Variants in SFRP1 observed in about 807,000 individuals in gnomAD.
SFRP1 encodes the protein secreted frizzled-related protein 1.
Under a neutral mutation model 25.9 loss-of-function variants are expected in SFRP1, and 9 were observed. The observed-to-expected ratio is 0.35, with a 90% confidence interval of 0.21 to 0.61. The LOEUF (loss-of-function observed/expected upper bound fraction) is 0.61, where lower values mean the gene tolerates loss of function less well. Ranked by LOEUF, SFRP1 falls within the 20% of genes least tolerant of loss-of-function variation. The probability of loss-of-function intolerance (pLI) is 0.78; values close to 1 mark genes in which losing one functional copy is unlikely to be tolerated. For missense variants in SFRP1, 346 were observed against 418.2 expected (o/e 0.83, Z 1.51); for synonymous variants, 178 against 174.0 (o/e 1.02, Z -0.18).
At chr8:41,306,632 G>T in intron 1 of SFRP1, 1 of 1,469,868 alleles carries the variant, frequency 6.8e-7, no homozygotes, top group South Asian at 1.3e-5. Context: ...AACCACTGAG[G>T]GGAAAACCAG....
intron 2 of SFRP1, among the ~76,000 whole-genome samples, chr8:41,267,957 G>A (rs2117478409): frequency 6.6e-6 from 1 of 152,290 alleles, no homozygotes; most frequent in East Asian, 1.9e-4. Flanking sequence ...TTATGAAATG[G>A]CAAAAGAGTG....
intron 2 of SFRP1, among the ~76,000 whole-genome samples, chr8:41,269,166 G>C (rs1172283308): frequency 6.6e-6 from 1 of 152,208 alleles, no homozygotes; most frequent in Admixed American, 6.5e-5. Flanking sequence ...TGTGCCTGGA[G>C]CATAGGGCTA....
At chr8:41,291,739 C>A (rs763756706) in intron 2 of SFRP1, among the ~76,000 whole-genome samples, 1 of 152,174 alleles carries the variant, frequency 6.6e-6, no homozygotes, top group Non-Finnish European at 1.5e-5. Context: ...ACACACACCA[C>A]GCAGTCAGCC....
chr8:41,309,240 G>A lies in SFRP1; in HGVS notation c.-81C>T, dbSNP rs1804040806. ...CGCGCGTCCTGCCGCAAACTTCCAGGGACCTCCGGGGACAAAAGGCGCAGT... is the reference window on the plus strand; with the variant it reads ...CGCGCGTCCTGCCGCAAACTTCCAGAGACCTCCGGGGACAAAAGGCGCAGT... On this transcript the variant is annotated 5_prime_UTR_variant, in exon 1 of 3. Transcript: ENST00000220772. 8.0e-7 allele frequency: 1 copy of A among 1,245,572 alleles called. No individual in the cohort carries two copies. The highest frequency in any genetic ancestry group is 1.0e-6 in the Non-Finnish European group (1 of 998,186). The allele number at this position is 1,245,572 out of a possible 1,614,324, so 77.2% of individuals were successfully genotyped here. A position where few individuals can be genotyped will look rare whatever the true frequency, so the allele number is the denominator to read the frequency against.
intron 2 of SFRP1, among the ~76,000 whole-genome samples, chr8:41,279,882 A>C (rs1415496840): frequency 6.6e-6 from 1 of 152,204 alleles, no homozygotes; most frequent in East Asian, 1.9e-4. Context: ...TAGTGTCAAC[A>C]AGCACAGTTC....
intron 2 of SFRP1, among the ~76,000 whole-genome samples, chr8:41,289,759 C>G (rs906301157): frequency 6.6e-6 from 1 of 152,214 alleles, no homozygotes; most frequent in Non-Finnish European, 1.5e-5. Flanking sequence ...AAACAAAATA[C>G]CAAGACCATA....
chr8:41,270,149 A>C (rs533378205), intron 2 of SFRP1, among the ~76,000 whole-genome samples: 1 of 152,262 alleles, frequency 6.6e-6, no homozygotes, highest in South Asian at 2.1e-4. Context: ...CAAAAATCCA[A>C]TGGGAAGGGA....
intron 2 of SFRP1, among the ~76,000 whole-genome samples, chr8:41,291,184 A>G (rs1031654905): frequency 6.6e-6 from 1 of 151,868 alleles, no homozygotes; most frequent in African/African-American, 2.4e-5. Context: ...CTGGGATTAC[A>G]GGCATGAGTC....
At chr8:41,307,533 A>G (rs1804013448) in intron 1 of SFRP1, among the ~76,000 whole-genome samples, 1 of 152,124 alleles carries the variant, frequency 6.6e-6, no homozygotes, top group Non-Finnish European at 1.5e-5. Flanking sequence ...GCCCTCCTCA[A>G]AAAGCCCTCA....
chr8:41,293,728 G>T (rs540051909), intron 2 of SFRP1, among the ~76,000 whole-genome samples: 67 of 152,134 alleles, frequency 4.4e-4, no homozygotes, highest in African/African-American at 1.6e-3. Flanking sequence ...GGCCTGTCTC[G>T]CCCACCAGAT....
chr8:41,303,052 T>TA (rs397891660), intron 2 of SFRP1, among the ~76,000 whole-genome samples: 4,169 of 101,118 alleles, frequency 0.041, 106 homozygotes, highest in East Asian at 0.15. Flanking sequence ...GGGTAGATGT[T>TA]AAAAAAAAAA....
intron 2 of SFRP1, among the ~76,000 whole-genome samples, chr8:41,273,078 T>C (rs562380240): frequency 3.5e-4 from 54 of 152,252 alleles, no homozygotes; most frequent in African/African-American, 2.4e-5. Flanking sequence ...CATGCAAGAG[T>C]AGAATGAAAA....
chr8:41,294,888 G>A (rs1412594562), intron 2 of SFRP1, among the ~76,000 whole-genome samples: 1 of 152,098 alleles, frequency 6.6e-6, no homozygotes, highest in East Asian at 1.9e-4. Context: ...GAGGAGTTGG[G>A]ATGAGAAGGA....
chr8:41,306,874 C>G, intron 1 of SFRP1: 1 of 1,595,744 alleles, frequency 6.3e-7, no homozygotes, highest in African/African-American at 1.3e-5. Flanking sequence ...CTTTTGGGGG[C>G]TGGGGTGAGG....
intron 2 of SFRP1, among the ~76,000 whole-genome samples, chr8:41,292,626 C>T (rs563529641): frequency 6.8e-4 from 104 of 152,250 alleles, no homozygotes; most frequent in Admixed American, 1.1e-3. Context: ...TGGAGACTTC[C>T]CTCTTCCCAG....
At chr8:41,269,179 A>C (rs1361558647) in intron 2 of SFRP1, among the ~76,000 whole-genome samples, 3 of 152,186 alleles carry the variant, frequency 2.0e-5, no homozygotes, top group Non-Finnish European at 2.9e-5. Flanking sequence ...TAGGGCTAAA[A>C]CTAAACTACC....
chr8:41,271,129 A>C (rs1803500409), intron 2 of SFRP1: 1 of 154,192 alleles, frequency 6.5e-6, no homozygotes, highest in Non-Finnish European at 1.5e-5. Flanking sequence ...CTTCTGCATC[A>C]ACCTAAGAAT....
At chr8:41,300,051 G>A (rs1410615870) in intron 2 of SFRP1, among the ~76,000 whole-genome samples, 4 of 152,184 alleles carry the variant, frequency 2.6e-5, no homozygotes, top group Non-Finnish European at 4.4e-5. Context: ...AGTTTGGAAA[G>A]GCTGAGCCTA....
Position 41,302,926 on chromosome 8 carries a change from C to T in SFRP1, c.622+535G>A, listed in dbSNP as rs546000678. Among the ~76,000 whole-genome samples the T allele has an allele frequency of 7.9e-5, 12 of 151,992 alleles. No homozygotes were observed. In the South Asian group the frequency reaches 1.2e-3, roughly 16 times the overall value. On this transcript the variant is annotated intron_variant, in intron 2 of 2. Transcript: ENST00000220772. ...GGGATGTCCATTTTTCTTTGCCTCG[C>T]GGAACCTGATGAGGACCCCCACTCT...
Sources: allele counts gnomAD v4.1 joint callset (sites outside exome capture counted in the v4.1 genomes callset), GRCh38; gene constraint gnomAD v4.1.1; transcripts MANE v1.5; gene names NCBI Gene and HGNC (gene_info 2026-07-23, HGNC 2026-07-21).